Variants in GABRB2 observed in about 807,000 individuals in gnomAD.
GABRB2 encodes gamma-aminobutyric acid type A receptor subunit beta2, also known as gamma-aminobutyric acid receptor subunit beta-2.
In GABRB2, 16 loss-of-function variants were observed where a neutral mutation model predicts 54.7. The observed-to-expected ratio is 0.29, with a 90% CI of 0.20 to 0.44. The LOEUF (loss-of-function observed/expected upper bound fraction) is 0.44, where lower values mean the gene tolerates loss of function less well. GABRB2 is among the 20% of genes least tolerant of loss of function. GABRB2 has a pLI of 1.00. For missense variants in GABRB2, 355 were observed against 644.0 expected (o/e 0.55, Z 4.86); for synonymous variants, 244 against 233.8 (o/e 1.04, Z -0.40).
chr5:161,520,581 A>C (rs558516488), intron 3 of GABRB2, among the ~76,000 whole-genome samples: 7 of 152,058 alleles, frequency 4.6e-5, no homozygotes, highest in African/African-American at 1.7e-4. Flanking sequence ...CAACTTCAAG[A>C]GATTTATTTA....
At chr5:161,467,301 C>T (rs964273300) in intron 3 of GABRB2, among the ~76,000 whole-genome samples, 2 of 151,950 alleles carry the variant, frequency 1.3e-5, no homozygotes, top group Non-Finnish European at 2.9e-5. Context: ...TCTTAATTAC[C>T]GCTTGTTGAA....
chr5:161,324,352 T>C (rs540209193), intron 9 of GABRB2, among the ~76,000 whole-genome samples: 1 of 152,118 alleles, frequency 6.6e-6, no homozygotes, highest in Non-Finnish European at 1.5e-5. Context: ...GTTATAGAAC[T>C]AAATAAAATC....
At chr5:161,306,264 G>C (rs1178485095) in intron 9 of GABRB2, among the ~76,000 whole-genome samples, 1 of 152,200 alleles carries the variant, frequency 6.6e-6, no homozygotes, top group African/African-American at 2.4e-5. Context: ...TTTGGTTTCT[G>C]TCGCCCTGAG....
chr5:161,340,028 A>G (rs775077865), intron 5 of GABRB2, among the ~76,000 whole-genome samples: 22 of 152,068 alleles, frequency 1.4e-4, no homozygotes, highest in Admixed American at 5.2e-4. Flanking sequence ...TATTTCTTAT[A>G]TAAGGAACTA....
intron 3 of GABRB2, among the ~76,000 whole-genome samples, chr5:161,531,415 T>C (rs1760459230): frequency 6.6e-6 from 1 of 152,154 alleles, no homozygotes; most frequent in Non-Finnish European, 1.5e-5. Context: ...GTCAATTCAG[T>C]TAACTTGTAG....
intron 3 of GABRB2, among the ~76,000 whole-genome samples, chr5:161,527,124 G>A (rs1001689480): frequency 6.6e-6 from 1 of 151,388 alleles, no homozygotes; most frequent in Admixed American, 6.6e-5. Flanking sequence ...AAACCACATA[G>A]TGTTGGCACA....
At chr5:161,520,834 T>C (rs1414815225) in intron 3 of GABRB2, among the ~76,000 whole-genome samples, 1 of 151,974 alleles carries the variant, frequency 6.6e-6, no homozygotes, top group Non-Finnish European at 1.5e-5. Flanking sequence ...GTGAAATGAA[T>C]GAAAAAAGCA....
At chr5:161,443,577 T>A (rs2113215571) in intron 4 of GABRB2, among the ~76,000 whole-genome samples, 1 of 152,364 alleles carries the variant, frequency 6.6e-6, no homozygotes, top group Non-Finnish European at 1.5e-5. Flanking sequence ...AATCAGAATC[T>A]CTGATAATCC....
At position 161,515,666 on chromosome 5, in the gene GABRB2, T is replaced by G. The variant is rs936037484; in HGVS notation, c.237+29561A>C. Among the ~76,000 whole-genome samples the G allele has an allele frequency of 3.9e-5, 6 of 152,196 alleles. 1 individual carries two copies. The highest frequency in any genetic ancestry group is 2.0e-4 in the Admixed American group (3 of 15,260). On this transcript the variant is annotated intron_variant, in intron 3 of 9. Transcript: ENST00000393959. ...TTAGAAGAACATGTAGAAGAACTCA[T>G]AAAGGAATTTATCTCTTTCATGTTA...
At chr5:161,452,006 A>G (rs1757802218) in intron 4 of GABRB2, among the ~76,000 whole-genome samples, 1 of 152,178 alleles carries the variant, frequency 6.6e-6, no homozygotes, top group African/African-American at 2.4e-5. Context: ...TTTCAATGTG[A>G]TTAAGTATGA....
chr5:161,338,760 T>C (rs932248832), intron 5 of GABRB2, among the ~76,000 whole-genome samples: 5 of 152,122 alleles, frequency 3.3e-5, no homozygotes, highest in African/African-American at 1.2e-4. Context: ...CACTCCAGCC[T>C]GGGTGACAGA....
At chr5:161,410,814 T>C (rs1273648270) in intron 5 of GABRB2, among the ~76,000 whole-genome samples, 161 bp downstream of exon 5, 1 of 152,136 alleles carries the variant, frequency 6.6e-6, no homozygotes, top group East Asian at 1.9e-4. Context: ...GGTGGCAGCA[T>C]AACTGAGAAA....
intron 9 of GABRB2, among the ~76,000 whole-genome samples, chr5:161,321,870 T>C (rs952295496): frequency 9.9e-5 from 15 of 152,154 alleles, no homozygotes; most frequent in African/African-American, 3.4e-4. Flanking sequence ...CTTTTAAACT[T>C]GTTATACATA....
At chr5:161,452,866 CA>C (rs1757830356) in intron 4 of GABRB2, among the ~76,000 whole-genome samples, 1 of 152,080 alleles carries the variant, frequency 6.6e-6, no homozygotes, top group African/African-American at 2.4e-5. Flanking sequence ...TGTGATGGCA[CA>C]TGCCTGTAGG....
At chr5:161,473,690 A>G (rs1164551125) in intron 3 of GABRB2, among the ~76,000 whole-genome samples, 1 of 152,002 alleles carries the variant, frequency 6.6e-6, no homozygotes, top group Non-Finnish European at 1.5e-5. Context: ...TTGTATGAAT[A>G]CATTTTTATC....
chr5:161,544,502 T>C (rs906281624), intron 3 of GABRB2, among the ~76,000 whole-genome samples: 2 of 152,136 alleles, frequency 1.3e-5, no homozygotes, highest in African/African-American at 4.8e-5. Flanking sequence ...TGTTTCCTAG[T>C]TGGGAACACA....
At chr5:161,423,107 A>G (rs1229247032) in intron 4 of GABRB2, among the ~76,000 whole-genome samples, 2 of 151,994 alleles carry the variant, frequency 1.3e-5, no homozygotes, top group East Asian at 3.8e-4. Context: ...TTAATTGTAA[A>G]TTATTTATTC....
intron 3 of GABRB2, among the ~76,000 whole-genome samples, chr5:161,477,605 T>C (rs1758632919): frequency 6.6e-6 from 1 of 151,890 alleles, no homozygotes; most frequent in Non-Finnish European, 1.5e-5. Flanking sequence ...GGTCAAAACA[T>C]ACAACGGCAT....
intron 5 of GABRB2, among the ~76,000 whole-genome samples, chr5:161,359,466 C>CAT (rs1561621430): frequency 6.6e-6 from 1 of 151,538 alleles, no homozygotes; most frequent in Non-Finnish European, 1.5e-5. Context: ...CACACACACA[C>CAT]AGAGATTGCT....
Sources: gnomAD v4.1 joint callset for allele counts (sites outside exome capture counted in the v4.1 genomes callset) on GRCh38, gnomAD v4.1.1 for gene constraint, MANE v1.5 for transcripts, NCBI Gene and HGNC (gene_info 2026-07-23, HGNC 2026-07-21) for gene names.